Variants in AFG2A observed in about 807,000 individuals in gnomAD.
AFG2A encodes AAA ATPase AFG2A.
the AFG2A span, among the ~76,000 whole-genome samples, chr4:123,145,282 A>T: frequency 6.6e-6 from 1 of 152,196 alleles, no homozygotes; most frequent in East Asian, 1.9e-4. Flanking sequence ...TTTTGAATGA[A>T]ACTGAAAACT....
At chr4:123,134,061 A>T in the AFG2A span, among the ~76,000 whole-genome samples, 6 of 151,998 alleles carry the variant, frequency 3.9e-5, no homozygotes, top group Non-Finnish European at 7.4e-5. Flanking sequence ...GTTTCTCCCA[A>T]TCTGGGGTTT....
chr4:123,191,830 C>G, the AFG2A span, among the ~76,000 whole-genome samples: 1 of 151,992 alleles, frequency 6.6e-6, no homozygotes, highest in Non-Finnish European at 1.5e-5. Flanking sequence ...ACTACTAATC[C>G]TTTGTCAGTT....
At chr4:123,236,298 T>C in the AFG2A span, among the ~76,000 whole-genome samples, 3,036 of 152,310 alleles carry the variant, frequency 0.02, 58 homozygotes, top group South Asian at 0.091. Context: ...CACTGTGTCA[T>C]CATTGCAGTT....
chr4:123,270,024 C>T, the AFG2A span, among the ~76,000 whole-genome samples: 238 of 152,260 alleles, frequency 1.6e-3, no homozygotes, highest in African/African-American at 5.4e-3. Context: ...ACCATGTTGG[C>T]CAGGGTGGTC....
At chr4:123,248,463 C>A in the AFG2A span, among the ~76,000 whole-genome samples, 1 of 152,184 alleles carries the variant, frequency 6.6e-6, no homozygotes, top group African/African-American at 2.4e-5. Context: ...GTCAAAGATA[C>A]AGCAACATTT....
chr4:123,288,390 T>C, the AFG2A span, among the ~76,000 whole-genome samples: 1 of 149,576 alleles, frequency 6.7e-6, no homozygotes, highest in Admixed American at 6.6e-5. Flanking sequence ...ATAGAAGGAT[T>C]GATCTTGGCA....
the AFG2A span, among the ~76,000 whole-genome samples, chr4:123,294,947 G>T: frequency 1.5e-4 from 23 of 152,264 alleles, no homozygotes; most frequent in African/African-American, 5.1e-4. Flanking sequence ...GAACCATACT[G>T]GTTTGCAGCA....
At chr4:123,114,165 C>T in the AFG2A span, among the ~76,000 whole-genome samples, 2 of 152,066 alleles carry the variant, frequency 1.3e-5, no homozygotes, top group African/African-American at 2.4e-5. Flanking sequence ...CTGGCTGAGT[C>T]CAGGGCTTTT....
the AFG2A span, among the ~76,000 whole-genome samples, chr4:123,081,525 A>G: frequency 1.3e-5 from 2 of 152,196 alleles, no homozygotes; most frequent in African/African-American, 4.8e-5. Context: ...CAGTTTACCC[A>G]TTAACCTACT....
the AFG2A span, among the ~76,000 whole-genome samples, chr4:123,209,195 G>C: frequency 6.6e-6 from 1 of 152,174 alleles, no homozygotes; most frequent in Admixed American, 6.5e-5. Context: ...CAGAAACATA[G>C]GTAAAACAAC....
At chr4:123,010,081 G>C in the AFG2A span, among the ~76,000 whole-genome samples, 2 of 152,054 alleles carry the variant, frequency 1.3e-5, no homozygotes, top group Non-Finnish European at 2.9e-5. Context: ...GCTAAAATTG[G>C]TCTCTTTTAC....
the AFG2A span, among the ~76,000 whole-genome samples, chr4:123,082,327 A>G: frequency 2.0e-5 from 3 of 152,054 alleles, no homozygotes; most frequent in Non-Finnish European, 4.4e-5. Context: ...GGATGTGTCT[A>G]GATTCATTTT....
At chr4:123,291,724 C>T in the AFG2A span, among the ~76,000 whole-genome samples, 2 of 152,226 alleles carry the variant, frequency 1.3e-5, no homozygotes, top group Non-Finnish European at 2.9e-5. Context: ...GCTGAGAAAT[C>T]TCCTGTTACT....
the AFG2A span, among the ~76,000 whole-genome samples, chr4:123,254,903 T>C: frequency 6.6e-6 from 1 of 152,210 alleles, no homozygotes; most frequent in Non-Finnish European, 1.5e-5. Context: ...TCTGCTATTT[T>C]GAGGGATCTC....
At chr4:123,076,923 AC>A in the AFG2A span, among the ~76,000 whole-genome samples, 3 of 146,778 alleles carry the variant, frequency 2.0e-5, no homozygotes, top group East Asian at 4.2e-4. Context: ...TTGTTATTCT[AC>A]CCAAGATCAT....
chr4:123,238,597 C>T, the AFG2A span, among the ~76,000 whole-genome samples: 1 of 152,220 alleles, frequency 6.6e-6, no homozygotes, highest in South Asian at 2.1e-4. Context: ...AGGGACCTGA[C>T]TGTTAGAAGA....
chr4:123,001,557 A>G, the AFG2A span, among the ~76,000 whole-genome samples: 1 of 151,152 alleles, frequency 6.6e-6, no homozygotes, highest in Non-Finnish European at 1.5e-5. Context: ...TCATTTCGTT[A>G]TGTACCCAGT....
the AFG2A span, among the ~76,000 whole-genome samples, chr4:122,997,617 C>A: frequency 6.6e-6 from 1 of 152,052 alleles, no homozygotes; most frequent in Non-Finnish European, 1.5e-5. Flanking sequence ...TACAAGTTTT[C>A]GTGTGAATAC....
At chr4:123,129,114 T>G in the AFG2A span, among the ~76,000 whole-genome samples, 57 of 152,330 alleles carry the variant, frequency 3.7e-4, no homozygotes, top group East Asian at 6.4e-3. Flanking sequence ...TTCTGAAATA[T>G]GGAGGCTACT....
Sources: allele counts gnomAD v4.1 joint callset (sites outside exome capture counted in the v4.1 genomes callset), GRCh38; gene constraint gnomAD v4.1.1; transcripts MANE v1.5; gene names NCBI Gene and HGNC (gene_info 2026-07-23, HGNC 2026-07-21).